LNX1: variants seen among roughly 807,000 people sequenced by gnomAD.
LNX1 encodes ligand of numb-protein X 1.
A neutral mutation model predicts 68.4 loss-of-function variants in LNX1; 54 were observed. The observed-to-expected ratio is 0.79, with a 90% confidence interval of 0.63 to 0.99. LNX1 has a LOEUF of 0.99. Among genes scored for constraint, LNX1 ranks in the 50% least tolerant of loss-of-function variants. The pLI, the probability that LNX1 is intolerant of heterozygous loss-of-function variation, is 0.00. For missense variants in LNX1, 906 were observed against 926.4 expected (o/e 0.98, Z 0.29); for synonymous variants, 336 against 350.0 (o/e 0.96, Z 0.45).
Position 53,508,241 on chromosome 4 carries a change from A to G in LNX1, c.381-14T>C. ...GCACCTTTACAGCTGTAACAGAACC[A>G]GCGGGGAGGTGAAGAAGAGCTTTGG... On this transcript the variant is annotated splice_polypyrimidine_tract_variant and intron_variant, in intron 2 of 10. Transcript: ENST00000263925. The G allele has an allele frequency of 6.2e-7, 1 of 1,608,102 alleles. No homozygotes were observed. Among genetic ancestry groups the G allele is most frequent in the East Asian group, 2.2e-5 (1 of 44,684 alleles).
chr4:53,563,096 C>T (rs1389133842), intron 2 of LNX1, among the ~76,000 whole-genome samples: 1 of 152,088 alleles, frequency 6.6e-6, no homozygotes, highest in Non-Finnish European at 1.5e-5. Context: ...TTCCCAGCTA[C>T]TCGGGAGGCT....
At chr4:53,505,363 G>T (rs964513358) in intron 4 of LNX1, among the ~76,000 whole-genome samples, 1 of 151,336 alleles carries the variant, frequency 6.6e-6, no homozygotes, top group Non-Finnish European at 1.5e-5. Flanking sequence ...CAATTCTCCC[G>T]CCTCAGCCTC....
chr4:53,544,772 C>CTGGG (rs1728988260), intron 2 of LNX1, among the ~76,000 whole-genome samples: 1 of 152,236 alleles, frequency 6.6e-6, no homozygotes, highest in Non-Finnish European at 1.5e-5. Flanking sequence ...AGGCACTGTA[C>CTGGG]TGGGGCTGCA....
intron 2 of LNX1, among the ~76,000 whole-genome samples, chr4:53,551,289 G>A (rs1382766004): frequency 3.3e-5 from 5 of 152,158 alleles, no homozygotes; most frequent in Admixed American, 2.0e-4. Flanking sequence ...CCACAATGAG[G>A]AATGTCAGGC....
intron 2 of LNX1, among the ~76,000 whole-genome samples, chr4:53,538,081 C>A (rs574678960): frequency 6.6e-6 from 1 of 152,196 alleles, no homozygotes; most frequent in Non-Finnish European, 1.5e-5. Context: ...TTCAACCAAC[C>A]ATTGGCTAGA....
intron 2 of LNX1, among the ~76,000 whole-genome samples, chr4:53,517,424 C>T (rs1034654836): frequency 3.9e-5 from 6 of 152,184 alleles, no homozygotes; most frequent in Non-Finnish European, 8.8e-5. Flanking sequence ...CCTGAGCCCA[C>T]CCTCAAATAG....
At chr4:53,649,723 G>A (rs553561932) in intron 1 of LNX1, among the ~76,000 whole-genome samples, 47 of 152,238 alleles carry the variant, frequency 3.1e-4, no homozygotes, top group African/African-American at 1.1e-3. Context: ...CATCTCCTCT[G>A]TGCCCACCCA....
At chr4:53,568,325 T>C (rs1264832906) in intron 2 of LNX1, among the ~76,000 whole-genome samples, 1 of 151,668 alleles carries the variant, frequency 6.6e-6, no homozygotes. Flanking sequence ...ATCCCTGGGA[T>C]GCAAGGCTGG....
At chr4:53,555,455 C>A (rs1259183724) in intron 2 of LNX1, among the ~76,000 whole-genome samples, 2 of 152,184 alleles carry the variant, frequency 1.3e-5, no homozygotes, top group Non-Finnish European at 2.9e-5. Context: ...ACAATCTCTA[C>A]CTCCTCTCAA....
intron 2 of LNX1, among the ~76,000 whole-genome samples, chr4:53,518,116 C>G (rs982752142): frequency 6.6e-6 from 1 of 152,130 alleles, no homozygotes; most frequent in African/African-American, 2.4e-5. Flanking sequence ...AAATGCAGGC[C>G]ACCATCATGG....
At chr4:53,647,697 C>T (rs1734939269) in intron 1 of LNX1, among the ~76,000 whole-genome samples, 1 of 152,190 alleles carries the variant, frequency 6.6e-6, no homozygotes, top group South Asian at 2.1e-4. Flanking sequence ...GTTGCATAAC[C>T]ATCACCACCA....
In LNX1 at chr4:53,460,765, C is replaced by G. The variant is rs921035755; in HGVS notation, c.*142G>C. On this transcript the variant is annotated 3_prime_UTR_variant, in exon 11 of 11. Coordinates refer to ENST00000263925, the MANE Select transcript of LNX1 (RefSeq NM_001126328.3). ...ATCATATTTTCTGAGGTGTAACTGG[C>G]TTTCATTAGATGATCATACTTTTCC... The G allele has an allele frequency of 3.6e-6, 3 of 843,078 alleles. No homozygotes were observed. The highest frequency in any genetic ancestry group is 5.4e-6 in the Non-Finnish European group (3 of 555,412). The allele number at this position is 843,078 out of a possible 1,614,324, so 52.2% of individuals were successfully genotyped here.
intron 1 of LNX1, among the ~76,000 whole-genome samples, chr4:53,588,285 A>G (rs1373007769): frequency 2.0e-5 from 3 of 152,204 alleles, no homozygotes; most frequent in Non-Finnish European, 4.4e-5. Flanking sequence ...GACCTGTCTG[A>G]TACTATCAAC....
At chr4:53,501,304 G>GGGGA (rs60960129) in intron 4 of LNX1, among the ~76,000 whole-genome samples, 2 of 75,170 alleles carry the variant, frequency 2.7e-5, no homozygotes, top group African/African-American at 5.0e-5. Context: ...TTTTTTGGGG[G>GGGGA]TGGGGGGACA....
intron 1 of LNX1, among the ~76,000 whole-genome samples, chr4:53,645,178 C>T (rs558596305): frequency 1.4e-4 from 22 of 152,156 alleles, no homozygotes; most frequent in Admixed American, 2.6e-4. Flanking sequence ...CCGGGATACA[C>T]GGTGGCCCTT....
At position 53,591,404 on chromosome 4, in the gene LNX1, C is replaced by T; in HGVS notation, c.-103G>A. The T allele has an allele frequency of 1.0e-6, 1 of 985,754 alleles. No individual in the cohort carries two copies. The highest frequency in any genetic ancestry group is 1.2e-6 in the Non-Finnish European group (1 of 830,234). The allele number at this position is 985,754 out of a possible 1,614,324, so 61.1% of individuals were successfully genotyped here. A position where few individuals can be genotyped will look rare whatever the true frequency, so the allele number is the denominator to read the frequency against. ...TCAACTCACCTCTTCAAGCGACTGTCTGGGGCTCTCCAAGCAGCAGCAGGC... is the reference window on the plus strand; with the variant it reads ...TCAACTCACCTCTTCAAGCGACTGTTTGGGGCTCTCCAAGCAGCAGCAGGC... On this transcript the variant is annotated 5_prime_UTR_variant, in exon 1 of 11. Coordinates refer to ENST00000263925, the MANE Select transcript of LNX1 (RefSeq NM_001126328.3).
chr4:53,538,070 T>C lies in LNX1; in HGVS notation c.381-29843A>G, dbSNP rs377646560. 2.1e-3 allele frequency among the ~76,000 whole-genome samples: 327 copies of C among 152,286 alleles called. 1 individual carries two copies. Among genetic ancestry groups the C allele is most frequent in the African/African-American group, 7.3e-3 (304 of 41,556 alleles). ...GTGATGAAATTTACATAGCAATTGG[T>C]TTCAACCAACCATTGGCTAGATATG... On this transcript the variant is annotated intron_variant, in intron 2 of 10. Coordinates refer to ENST00000263925, the MANE Select transcript of LNX1 (RefSeq NM_001126328.3).
intron 9 of LNX1, among the ~76,000 whole-genome samples, 161 bp downstream of exon 9, chr4:53,476,592 G>A (rs1386624506): frequency 6.6e-6 from 1 of 152,198 alleles, no homozygotes; most frequent in Non-Finnish European, 1.5e-5. Context: ...TGCATTTTCA[G>A]TTACAAATGG....
At position 53,460,792 on chromosome 4, in the gene LNX1, G is replaced by T; in HGVS notation, c.*115C>A. The T allele has an allele frequency of 9.3e-7, 1 of 1,079,084 alleles. No individual in the cohort carries two copies. Among genetic ancestry groups the T allele is most frequent in the Non-Finnish European group, 1.3e-6 (1 of 752,252 alleles). The allele number at this position is 1,079,084 out of a possible 1,614,324, so 66.8% of individuals were successfully genotyped here. On this transcript the variant is annotated 3_prime_UTR_variant, in exon 11 of 11. Coordinates refer to ENST00000263925, the MANE Select transcript of LNX1 (RefSeq NM_001126328.3). The stretch of plus-strand genomic sequence containing the variant: ...TTCATTAGATGATCATACTTTTCCT[G>T]ACATTTTTACAATGTATTCTTTCTT...
Sources: allele counts gnomAD v4.1 joint callset (sites outside exome capture counted in the v4.1 genomes callset), GRCh38; gene constraint gnomAD v4.1.1; transcripts MANE v1.5; gene names NCBI Gene and HGNC (gene_info 2026-07-23, HGNC 2026-07-21).